Variants in PLAC8L1 observed in about 807,000 individuals in gnomAD.
PLAC8L1 encodes the protein PLAC8-like protein 1.
A neutral mutation model predicts 16.3 loss-of-function variants in PLAC8L1; 13 were observed. The ratio of observed to expected loss-of-function variants is 0.80; its 90% CI spans 0.52 to 1.27. The LOEUF is 1.27. PLAC8L1 is among the 50% of genes most tolerant of loss of function. The pLI is 0.00. For missense variants in PLAC8L1, 184 were observed against 220.2 expected, an observed-to-expected ratio of 0.84 and a Z score of 1.04; for synonymous variants, 78 against 79.3, an observed-to-expected ratio of 0.98 and a Z score of 0.09.
chr5:146,103,872 GC>G (rs1243723565), intron 1 of PLAC8L1: 12 of 985,386 alleles, frequency 1.2e-5, no homozygotes, highest in Non-Finnish European at 1.4e-5. Context: ...CTCAGCTGAA[GC>G]CAAAACCCTT....
chr5:146,088,794 TA>T (rs1162266951), intron 2 of PLAC8L1, among the ~76,000 whole-genome samples: 1 of 152,164 alleles, frequency 6.6e-6, no homozygotes, highest in Non-Finnish European at 1.5e-5. Context: ...CCAGCCCGGA[TA>T]CCTGGTATGA....
At chr5:146,094,873 G>A (rs111938696) in intron 2 of PLAC8L1, among the ~76,000 whole-genome samples, 3 of 152,186 alleles carry the variant, frequency 2.0e-5, no homozygotes, top group Admixed American at 6.5e-5. Context: ...AATTCTCAGC[G>A]TTTGATGGAA....
Position 146,104,719 on chromosome 5 carries a change from C to G in PLAC8L1, c.-408G>C, listed in dbSNP as rs1422043495. On this transcript the variant is annotated 5_prime_UTR_variant, in exon 1 of 4. Transcript: ENST00000311450. ...GAAGCAGCAGAGACCTCTCTTCATC[C>G]CCTGAACTGCTGGTCCAATTCAGCC... 5.6e-6 allele frequency: 1 copy of G among 177,348 alleles called. No homozygotes were observed. Among genetic ancestry groups the G allele is most frequent in the Non-Finnish European group, 1.2e-5 (1 of 85,492 alleles). 11.0% of individuals were successfully genotyped at this position (177,348 alleles called of 1,614,324 possible). A position where few individuals can be genotyped will look rare whatever the true frequency, so the allele number is the denominator to read the frequency against.
chr5:146,085,682 C>A, intron 2 of PLAC8L1, 85 bp from the exon 3 acceptor site: 2 of 1,452,068 alleles, frequency 1.4e-6, no homozygotes, highest in Non-Finnish European at 1.9e-6. Context: ...CAACATTATG[C>A]CACCAGTTTA....
At chr5:146,093,231 A>G (rs993970093) in intron 2 of PLAC8L1, among the ~76,000 whole-genome samples, 1 of 152,152 alleles carries the variant, frequency 6.6e-6, no homozygotes, top group African/African-American at 2.4e-5. Flanking sequence ...TATAGACTAT[A>G]TGTGGACTCA....
chr5:146,087,277 A>G (rs1445331290), intron 2 of PLAC8L1, among the ~76,000 whole-genome samples: 1 of 152,142 alleles, frequency 6.6e-6, no homozygotes, highest in African/African-American at 2.4e-5. Context: ...CCCATTGATA[A>G]ACATTTGATT....
intron 2 of PLAC8L1, among the ~76,000 whole-genome samples, chr5:146,086,316 AC>A (rs1419142297): frequency 3.3e-5 from 5 of 152,130 alleles, no homozygotes; most frequent in African/African-American, 1.2e-4. Flanking sequence ...GGCGTGAGCC[AC>A]CGCGCCCGGC....
rs115994234 is a variant in PLAC8L1 at position 146,101,075 on chromosome 5, T to G, written c.120-2783A>C. Among the ~76,000 whole-genome samples the G allele has an allele frequency of 2.2e-3, 329 of 151,890 alleles. 3 individuals carry two copies. Among genetic ancestry groups the G allele is most frequent in the African/African-American group, 7.7e-3 (320 of 41,412 alleles). On this transcript the variant is annotated intron_variant, in intron 1 of 3. Coordinates refer to ENST00000311450, the MANE Select transcript of PLAC8L1 (RefSeq NM_001029869.3). ...AGCCAGGCATGGTGGCACGCACCTG[T>G]GGTCTCAGCTACTTGGGAAGCTAAC...
At chr5:146,101,308 T>C (rs1763813744) in intron 1 of PLAC8L1, among the ~76,000 whole-genome samples, 1 of 151,410 alleles carries the variant, frequency 6.6e-6, no homozygotes, top group Admixed American at 6.6e-5. Flanking sequence ...AGGAAGAAAG[T>C]CCTCGCCAGA....
Position 146,093,018 on chromosome 5 carries a change from T to TAC in PLAC8L1, c.256+5136_256+5137dup, listed in dbSNP as rs200700074. 6.1e-3 allele frequency among the ~76,000 whole-genome samples: 919 copies of TAC among 151,562 alleles called. 24 individuals are homozygous for TAC. The East Asian group carries it at 0.089, about 15-fold the overall frequency. ...ACAGTGCTACCACTTGTATAAATTA[T>TAC]ACACACACACACACATATAAGCAAA... On this transcript the variant is annotated intron_variant, in intron 2 of 3. Transcript: ENST00000311450.
chr5:146,104,244 G>A lies in PLAC8L1; in HGVS notation c.68C>T (p.Pro23Leu). The change falls in exon 1 of 4, where the codon CCT becomes CTT. Residue 23 changes from proline (P) to leucine (L), a missense_variant. Coordinates refer to ENST00000311450, the MANE Select transcript of PLAC8L1 (RefSeq NM_001029869.3). Reference protein sequence around the residue: ...EDLSLLNIYSPLLSHMSSEDE... With the variant: ...EDLSLLNIYSLLLSHMSSEDE... ...TTCAGATGACATGTGTGACAACAGAGGTGAGTATATGTTGAGTAAGGAAAG... is the reference window on the plus strand; with the variant it reads ...TTCAGATGACATGTGTGACAACAGAAGTGAGTATATGTTGAGTAAGGAAAG... The A allele has an allele frequency of 6.2e-7, 1 of 1,613,960 alleles. No individual in the cohort carries two copies. The highest frequency in any genetic ancestry group is 8.5e-7 in the Non-Finnish European group (1 of 1,179,864).
chr5:146,092,934 G>A (rs2150035420), intron 2 of PLAC8L1, among the ~76,000 whole-genome samples: 1 of 152,000 alleles, frequency 6.6e-6, no homozygotes, highest in Admixed American at 6.6e-5. Context: ...TCAGAAGAAT[G>A]TGATGTGAGA....
intron 2 of PLAC8L1, among the ~76,000 whole-genome samples, chr5:146,095,339 A>T (rs1343248579): frequency 6.6e-6 from 1 of 152,132 alleles, no homozygotes; most frequent in Non-Finnish European, 1.5e-5. Context: ...ATGGGCTCTC[A>T]AGTGGACAAC....
chr5:146,084,627 C>T, intron 3 of PLAC8L1, 55 bp from the exon 4 acceptor site: 1 of 1,601,810 alleles, frequency 6.2e-7, no homozygotes. Flanking sequence ...ATTTTTCTTC[C>T]CCAGGGTCCT....
At chr5:146,103,774 G>A in intron 1 of PLAC8L1, 2 of 985,340 alleles carry the variant, frequency 2.0e-6, no homozygotes, top group Non-Finnish European at 2.4e-6. Flanking sequence ...CTTCAGCCTG[G>A]GGTGTTACAT....
chr5:146,100,520 T>C (rs1283742220), intron 1 of PLAC8L1, among the ~76,000 whole-genome samples: 1 of 152,178 alleles, frequency 6.6e-6, no homozygotes, highest in African/African-American at 2.4e-5. Context: ...AATTGCCAAA[T>C]TTAGAATTCA....
intron 1 of PLAC8L1, among the ~76,000 whole-genome samples, chr5:146,102,225 T>C (rs982870641): frequency 1.3e-5 from 2 of 152,032 alleles, no homozygotes; most frequent in African/African-American, 2.4e-5. Context: ...CCAGCTAATT[T>C]TTTTTAATTT....
In PLAC8L1 at chr5:146,104,224, A is replaced by G; in HGVS notation, c.88T>C (p.Ser30Pro). Residue 30 changes from serine to proline, a missense_variant, in exon 1 of 4, where the codon TCT becomes CCT. Physicochemically the swap from Ser to Pro is moderately conservative, Grantham distance 74. Transcript: ENST00000311450. ...IYSPLLSHMS[S>P]EDEHFISNLR... ...TTGGAAATAAAATGTTCATCTTCAG[A>G]TGACATGTGTGACAACAGAGGTGAG... 1 of 1,613,914 alleles carries G rather than the reference A, an allele frequency of 6.2e-7. No homozygotes were observed. The highest frequency in any genetic ancestry group is 1.1e-5 in the South Asian group (1 of 91,064).
chr5:146,085,131 G>T (rs1356724576), intron 3 of PLAC8L1, among the ~76,000 whole-genome samples: 1 of 150,542 alleles, frequency 6.6e-6, no homozygotes, highest in Non-Finnish European at 1.5e-5. Context: ...AAATACATCA[G>T]TCTGGGCCAG....
Sources: allele counts gnomAD v4.1 joint callset (sites outside exome capture counted in the v4.1 genomes callset), GRCh38; gene constraint gnomAD v4.1.1; transcripts MANE v1.5; gene names NCBI Gene and HGNC (gene_info 2026-07-23, HGNC 2026-07-21).